The following RGS8 variants were observed in gnomAD, a reference collection of about 807,000 sequenced individuals.
RGS8 encodes the protein regulator of G protein signaling 8, also known as regulator of G-protein signaling 8.
Under a neutral mutation model 21.7 loss-of-function variants are expected in RGS8, and 8 were observed. The ratio of observed to expected loss-of-function variants is 0.37; its 90% CI spans 0.22 to 0.66. The LOEUF (loss-of-function observed/expected upper bound fraction) is 0.66. RGS8 is among the 30% of genes least tolerant of loss of function. The pLI is 0.59. For missense variants in RGS8, 157 were observed against 217.9 expected (o/e 0.72, Z 1.76); for synonymous variants, 80 against 83.6 (o/e 0.96, Z 0.24).
chr1:182,694,648 A>C, the RGS8 span, among the ~76,000 whole-genome samples: 7 of 152,052 alleles, frequency 4.6e-5, no homozygotes. Flanking sequence ...CTCTACTAAA[A>C]ATACAAAAAA....
the RGS8 span, among the ~76,000 whole-genome samples, chr1:182,696,287 T>C: frequency 6.6e-6 from 1 of 152,218 alleles, no homozygotes; most frequent in African/African-American, 2.4e-5. Flanking sequence ...GCTCCAAACC[T>C]AGTCTCTGTC....
chr1:182,707,112 C>T, the RGS8 span, among the ~76,000 whole-genome samples: 2 of 151,952 alleles, frequency 1.3e-5, no homozygotes, highest in South Asian at 2.1e-4. Flanking sequence ...GAGCCGAGAT[C>T]GCACCACTGC....
At chr1:182,747,734 G>C in the RGS8 span, among the ~76,000 whole-genome samples, 1 of 152,116 alleles carries the variant, frequency 6.6e-6, no homozygotes, top group African/African-American at 2.4e-5. Flanking sequence ...GCTTGGCCAG[G>C]CGCATTGGCT....
exon 7 of RGS8, chr1:182,646,612 A>AC: frequency 1.2e-6 from 1 of 846,378 alleles, no homozygotes; most frequent in Non-Finnish European, 1.9e-6. Flanking sequence ...TTCCCTCCTC[A>AC]CCCCCAGCCT....
chr1:182,691,669 C>T, the RGS8 span, among the ~76,000 whole-genome samples: 2 of 118,172 alleles, frequency 1.7e-5, no homozygotes, highest in South Asian at 5.9e-4. Flanking sequence ...GTGCATACCT[C>T]AAAATAATAA....
At chr1:182,671,961 C>T (rs1394265434), upstream of RGS8, 5 of 1,370,118 alleles carry the variant, frequency 3.6e-6, no homozygotes, top group Admixed American at 1.2e-4. Flanking sequence ...GGCTCAGCTC[C>T]CGGGCACAGT....
upstream of RGS8, among the ~76,000 whole-genome samples, chr1:182,673,596 T>C (rs1002645200): frequency 2.0e-5 from 3 of 152,200 alleles, no homozygotes; most frequent in African/African-American, 7.2e-5. Context: ...CAGTGACTCA[T>C]TGTCTCTTTC....
At chr1:182,688,356 C>T (rs950456393), upstream of RGS8, among the ~76,000 whole-genome samples, 10 of 150,570 alleles carry the variant, frequency 6.6e-5, no homozygotes, top group African/African-American at 2.2e-4. Context: ...CTCTCTCGCT[C>T]GCTCTCTCTC....
chr1:182,707,985 C>G, the RGS8 span, among the ~76,000 whole-genome samples: 79 of 152,286 alleles, frequency 5.2e-4, no homozygotes, highest in African/African-American at 1.6e-3. Flanking sequence ...GGATTACAGG[C>G]ATTAGATGCT....
the RGS8 span, among the ~76,000 whole-genome samples, chr1:182,713,485 C>T: frequency 5.3e-5 from 8 of 152,238 alleles, no homozygotes; most frequent in Admixed American, 2.6e-4. Context: ...CGCCCGGCCT[C>T]TCTTTAATGA....
the RGS8 span, among the ~76,000 whole-genome samples, chr1:182,724,201 G>GAC: frequency 7.1e-5 from 3 of 42,118 alleles, no homozygotes; most frequent in East Asian, 2.6e-3. Flanking sequence ...GGCTAGACTG[G>GAC]ATATATATAT....
At chr1:182,661,003 T>C (rs1295896671) in intron 5 of RGS8, among the ~76,000 whole-genome samples, 1 of 151,920 alleles carries the variant, frequency 6.6e-6, no homozygotes, top group Non-Finnish European at 1.5e-5. Flanking sequence ...GCCTGACTGT[T>C]CAACTGTATG....
chr1:182,692,377 CCACA>C, the RGS8 span, among the ~76,000 whole-genome samples: 1 of 151,700 alleles, frequency 6.6e-6, no homozygotes, highest in Non-Finnish European at 1.5e-5. Context: ...TTTACAATAG[CCACA>C]AAAAGAATAA....
rs770925942 is a variant in RGS8, at chr1:182,671,686, G to C, written c.-133C>G. 1.9e-6 allele frequency: 3 copies of C among 1,614,200 alleles called. No homozygotes were observed. In the East Asian group the frequency reaches 6.7e-5, roughly 36 times the overall value. On this transcript the variant is annotated 5_prime_UTR_variant, in exon 2 of 7. Coordinates refer to ENST00000483095, the Ensembl canonical transcript of RGS8. ...TTTGGCCAGTCCTCATGGCCTGAGG[G>C]TCTTTGCCAACTGGATGGTCAGAGA...
the RGS8 span, among the ~76,000 whole-genome samples, chr1:182,723,134 T>G: frequency 6.6e-6 from 1 of 152,248 alleles, no homozygotes; most frequent in Non-Finnish European, 1.5e-5. Flanking sequence ...TTTGATGTTC[T>G]GGGTTGGGGG....
chr1:182,660,926 G>A (rs1328429664), intron 5 of RGS8, among the ~76,000 whole-genome samples: 1 of 151,846 alleles, frequency 6.6e-6, no homozygotes, highest in Admixed American at 6.6e-5. Flanking sequence ...ACACCACTTG[G>A]AGTAATGCTG....
At chr1:182,715,439 G>A in the RGS8 span, among the ~76,000 whole-genome samples, 1 of 152,124 alleles carries the variant, frequency 6.6e-6, no homozygotes, top group Non-Finnish European at 1.5e-5. Flanking sequence ...GCCATGATTG[G>A]GCCCTGTGTC....
At chr1:182,656,166 G>A (rs766512048) in intron 5 of RGS8, among the ~76,000 whole-genome samples, 14 of 152,188 alleles carry the variant, frequency 9.2e-5, no homozygotes, top group Non-Finnish European at 1.6e-4. Context: ...GAGTTACTTT[G>A]TAGTCGCTTG....
At chr1:182,646,974 A>G in intron 6 of RGS8, 57 bp from the exon 8 acceptor site, 2 of 1,436,988 alleles carry the variant, frequency 1.4e-6, no homozygotes, top group Non-Finnish European at 1.9e-6. Flanking sequence ...GGTTTCTGGC[A>G]GCTGGCCCTA....
Sources: allele counts gnomAD v4.1 joint callset (sites outside exome capture counted in the v4.1 genomes callset), GRCh38; gene constraint gnomAD v4.1.1; transcripts MANE v1.5; gene names NCBI Gene and HGNC (gene_info 2026-07-23, HGNC 2026-07-21).